The following PLCH1 variants were observed in gnomAD, a reference collection of about 807,000 sequenced individuals.
The protein encoded by PLCH1 is 1-phosphatidylinositol 4,5-bisphosphate phosphodiesterase eta-1.
In PLCH1, 60 loss-of-function variants were observed where a neutral mutation model predicts 126.7. The observed-to-expected ratio is 0.47, with a 90% CI of 0.38 to 0.59. The LOEUF (loss-of-function observed/expected upper bound fraction) is 0.59. Ranked by LOEUF, PLCH1 falls within the 20% of genes least tolerant of loss-of-function variation. The pLI, the probability that PLCH1 is intolerant of heterozygous loss-of-function variation, is 0.00. For synonymous variants in PLCH1, 719 were observed against 734.9 expected (o/e 0.98, Z 0.35); for missense variants, 1,723 against 2,040.0 (o/e 0.84, Z 2.99).
At chr3:155,547,841 G>A (rs1454160394) in intron 10 of PLCH1, among the ~76,000 whole-genome samples, 7 of 138,458 alleles carry the variant, frequency 5.1e-5, no homozygotes, top group African/African-American at 1.6e-4. Context: ...ATTGAACAAC[G>A]AGAACACATG....
chr3:155,497,822 C>A (rs748866526), intron 14 of PLCH1, among the ~76,000 whole-genome samples: 2 of 152,144 alleles, frequency 1.3e-5, no homozygotes, highest in African/African-American at 4.8e-5. Context: ...TCAAGTGATT[C>A]TCCTGCCTCA....
At chr3:155,736,499 C>A (rs1749184663) in intron 1 of PLCH1, among the ~76,000 whole-genome samples, 1 of 152,136 alleles carries the variant, frequency 6.6e-6, no homozygotes, top group African/African-American at 2.4e-5. Flanking sequence ...GAAAAAGAAA[C>A]TTTCCAGCCT....
chr3:155,527,237 T>C (rs1722071827), intron 10 of PLCH1, among the ~76,000 whole-genome samples: 1 of 152,230 alleles, frequency 6.6e-6, no homozygotes, highest in Non-Finnish European at 1.5e-5. Context: ...CATGGAAGGA[T>C]GTTCACATGC....
At chr3:155,595,785 A>C (rs568772263) in intron 3 of PLCH1, among the ~76,000 whole-genome samples, 206 of 152,254 alleles carry the variant, frequency 1.4e-3, no homozygotes, top group African/African-American at 4.8e-3. Context: ...AGTGTGAGGG[A>C]AAGAAGCTTT....
chr3:155,490,865 T>C lies in PLCH1; in HGVS notation c.2311A>G (p.Ile771Val). The C allele has an allele frequency of 6.6e-7, 1 of 1,512,898 alleles. No homozygotes were observed. Among genetic ancestry groups the C allele is most frequent in the Non-Finnish European group, 9.2e-7 (1 of 1,088,630 alleles). The allele number at this position is 1,512,898 out of a possible 1,614,324, so 93.7% of individuals were successfully genotyped here. A position where few individuals can be genotyped will look rare whatever the true frequency, so the allele number is the denominator to read the frequency against. ...DSMFGDRGEI[I>V]DPFVEVEIIG... ...ATTTCAACTTCAACAAAAGGGTCAA[T>C]GATCTATTAAGTAAAGAGAAAGTAC... is the stretch of plus-strand genomic sequence containing the variant. The change falls in exon 19 of 23, where the codon ATT becomes GTT. Residue 771 changes from isoleucine (I) to valine (V), a missense_variant. Around this residue, in one of 2 missense-constraint regions of PLCH1, gnomAD observed 776 missense variants for 1,062.9 expected, o/e 0.73. Transcript: ENST00000460012.
chr3:155,531,510 A>C (rs919554946), intron 10 of PLCH1, among the ~76,000 whole-genome samples: 3 of 152,190 alleles, frequency 2.0e-5, no homozygotes, highest in African/African-American at 4.8e-5. Context: ...CTGTAATCCC[A>C]GCTACTTGGG....
intron 19 of PLCH1, among the ~76,000 whole-genome samples, chr3:155,490,102 T>G (rs766314252): frequency 2.0e-5 from 3 of 152,228 alleles, no homozygotes; most frequent in Non-Finnish European, 4.4e-5. Context: ...AGGGACTCCT[T>G]GTGAACCCTT....
intron 2 of PLCH1, among the ~76,000 whole-genome samples, chr3:155,641,701 C>A (rs1368963447): frequency 6.6e-6 from 1 of 151,856 alleles, no homozygotes; most frequent in Non-Finnish European, 1.5e-5. Flanking sequence ...TATATGTACC[C>A]CATAAATATG....
intron 12 of PLCH1, among the ~76,000 whole-genome samples, chr3:155,511,068 T>A (rs1719404405): frequency 1.0e-5 from 1 of 97,000 alleles, no homozygotes; most frequent in African/African-American, 5.3e-5. Flanking sequence ...TTTATTCTTT[T>A]TTCTCTAAAC....
Position 155,506,430 on chromosome 3 carries a change from C to A in PLCH1, c.1633-1804G>T, listed in dbSNP as rs570356662. 2.0e-5 allele frequency among the ~76,000 whole-genome samples: 3 copies of A among 150,944 alleles called. No homozygotes were observed. In the South Asian group the frequency reaches 6.3e-4, roughly 32 times the overall value. On this transcript the variant is annotated intron_variant, in intron 12 of 22. Coordinates refer to ENST00000460012, the MANE Select transcript of PLCH1 (RefSeq NM_014996.4). ...GGTTAGTTACATATGTATACATGTGCCATGCTGGTGCGCTGCACCCACTAA... is the reference window on the plus strand; with the variant it reads ...GGTTAGTTACATATGTATACATGTGACATGCTGGTGCGCTGCACCCACTAA...
chr3:155,616,702 G>C (rs751491339), intron 2 of PLCH1, among the ~76,000 whole-genome samples: 19 of 152,216 alleles, frequency 1.2e-4, no homozygotes, highest in Non-Finnish European at 2.2e-4. Flanking sequence ...GACAGATTCA[G>C]CTGGCCTCAA....
rs547996359 is a variant in PLCH1 at position 155,543,152 on chromosome 3, C to T, written c.1362+6635G>A. Among the ~76,000 whole-genome samples, 96 of 151,964 alleles carry T rather than the reference C, an allele frequency of 6.3e-4. 1 individual carries two copies. The highest frequency in any genetic ancestry group is 1.9e-3 in the African/African-American group (77 of 41,376). ...TTGAAAACTTTGAAAAAAATTTAGACGAATGTATAACTAGAAGAACCAATA... is the reference window on the plus strand; with the variant it reads ...TTGAAAACTTTGAAAAAAATTTAGATGAATGTATAACTAGAAGAACCAATA... On this transcript the variant is annotated intron_variant, in intron 10 of 22. Transcript: ENST00000460012.
intron 14 of PLCH1, 41 bp from the exon 15 acceptor site, chr3:155,497,458 G>C (rs780945999): frequency 1.4e-6 from 2 of 1,416,168 alleles, no homozygotes; most frequent in African/African-American, 2.8e-5. Context: ...TTTTGGAGTT[G>C]AAAGAGGTTT....
At chr3:155,673,476 T>TA (rs934053882) in intron 2 of PLCH1, among the ~76,000 whole-genome samples, 10 of 151,646 alleles carry the variant, frequency 6.6e-5, no homozygotes, top group East Asian at 1.9e-4. Context: ...TTTTCCTCCC[T>TA]AAAAAAAACA....
intron 2 of PLCH1, among the ~76,000 whole-genome samples, chr3:155,639,021 T>C (rs1403753674): frequency 1.3e-5 from 2 of 152,344 alleles, no homozygotes; most frequent in East Asian, 1.9e-4. Context: ...AATTATATTA[T>C]ATTCCATGCA....
chr3:155,527,374 C>G (rs913440374), intron 10 of PLCH1, among the ~76,000 whole-genome samples: 2 of 152,178 alleles, frequency 1.3e-5, no homozygotes, highest in East Asian at 3.8e-4. Flanking sequence ...TCTGGATCCC[C>G]CCTTACCCGC....
chr3:155,649,329 A>G (rs1043337420), intron 2 of PLCH1, among the ~76,000 whole-genome samples: 2 of 152,254 alleles, frequency 1.3e-5, no homozygotes, highest in East Asian at 3.9e-4. Flanking sequence ...ACCCTATATA[A>G]TTCTGTTTCG....
chr3:155,649,112 G>A (rs954477997), intron 2 of PLCH1, among the ~76,000 whole-genome samples: 1 of 152,112 alleles, frequency 6.6e-6, no homozygotes, highest in Non-Finnish European at 1.5e-5. Context: ...GGCAAGAGGG[G>A]GGCTCAGAGG....
intron 2 of PLCH1, among the ~76,000 whole-genome samples, chr3:155,647,582 C>T (rs890615164): frequency 6.6e-6 from 1 of 152,006 alleles, no homozygotes; most frequent in African/African-American, 2.4e-5. Context: ...AGTCTGAAGA[C>T]CCCTGGCAAA....
Sources: allele counts gnomAD v4.1 joint callset (sites outside exome capture counted in the v4.1 genomes callset), GRCh38; gene constraint gnomAD v4.1.1; regional missense constraint gnomAD v4.1.1; transcripts MANE v1.5; gene names NCBI Gene and HGNC (gene_info 2026-07-23, HGNC 2026-07-21).